VEZT: variants seen among roughly 807,000 people sequenced by gnomAD.
The protein encoded by VEZT is vezatin, adherens junctions transmembrane protein, also known as vezatin.
VEZT carries 39 observed loss-of-function variants against 79.9 expected under a neutral mutation model. The ratio of observed to expected loss-of-function variants is 0.49; its 90% CI spans 0.38 to 0.64. VEZT has a LOEUF of 0.64. VEZT is among the 30% of genes least tolerant of loss of function. VEZT has a pLI of 0.00. For missense variants in VEZT, 837 were observed against 893.1 expected (o/e 0.94, Z 0.80); for synonymous variants, 325 against 327.6 (o/e 0.99, Z 0.09).
chr12:95,266,001 A>T (rs2065458916), intron 4 of VEZT, among the ~76,000 whole-genome samples: 1 of 152,176 alleles, frequency 6.6e-6, no homozygotes, highest in African/African-American at 2.4e-5. Context: ...CTGTATATGT[A>T]GGAAATGTAG....
chr12:95,236,658 C>T lies in VEZT; in HGVS notation c.37-15282C>T, dbSNP rs550452113. On this transcript the variant is annotated intron_variant, in intron 1 of 11. Transcript: ENST00000436874. ...TGATTTTGGCTCACTGCACCCTCCA[C>T]CTCCTGGGTTCAGGTGATTCTCCTG... Among the ~76,000 whole-genome samples, 4 of 151,934 alleles carry T rather than the reference C, an allele frequency of 2.6e-5. No homozygotes were observed. In the East Asian group the frequency reaches 7.7e-4, roughly 29 times the overall value.
intron 7 of VEZT, among the ~76,000 whole-genome samples, chr12:95,281,548 T>G (rs2069101325): frequency 1.8e-5 from 2 of 110,520 alleles, no homozygotes; most frequent in Admixed American, 1.9e-4. Flanking sequence ...CCTGGAGTAT[T>G]GATTTTTTTT....
intron 1 of VEZT, among the ~76,000 whole-genome samples, chr12:95,221,748 C>T (rs1459772110): frequency 1.3e-5 from 2 of 151,952 alleles, no homozygotes; most frequent in African/African-American, 4.8e-5. Context: ...ACTCCACAGC[C>T]TGAGGCAGAA....
At chr12:95,275,650 C>T (rs560330421) in intron 7 of VEZT, 80 of 150,358 alleles carry the variant, frequency 5.3e-4, no homozygotes, top group African/African-American at 1.8e-3. Context: ...AGAAAAATTA[C>T]AATGATTTAT....
At chr12:95,280,400 A>C (rs1220142955) in intron 7 of VEZT, among the ~76,000 whole-genome samples, 3 of 147,612 alleles carry the variant, frequency 2.0e-5, no homozygotes, top group South Asian at 2.2e-4. Flanking sequence ...ACTTTTAGAG[A>C]CCTCCCCAGC....
chr12:95,296,258 G>T lies in VEZT; in HGVS notation c.1831G>T (p.Ala611Ser). The T allele has an allele frequency of 1.9e-6, 3 of 1,573,228 alleles. No individual in the cohort carries two copies. The South Asian group carries it at 3.5e-5, about 19-fold the overall frequency. Residue 611 changes from alanine to serine, a missense_variant and splice_region_variant, in exon 11 of 12, where the codon GCC becomes TCC. By Grantham distance (99) the Ala-to-Ser change is moderately conservative. Coordinates refer to ENST00000436874, the MANE Select transcript of VEZT (RefSeq NM_017599.4). ...KWKQLLFSDH[A>S]VLKSLSPVDP... ...GAAGCAACTTCTATTTAGTGATCAT[G>T]GTAAGCACTGACTTTAAAGTAACAG... is the stretch of plus-strand genomic sequence containing the variant.
At chr12:95,235,413 G>T (rs2059935438) in intron 1 of VEZT, among the ~76,000 whole-genome samples, 1 of 125,328 alleles carries the variant, frequency 8.0e-6, no homozygotes, top group Non-Finnish European at 1.7e-5. Context: ...CTGGGCGGGA[G>T]GCTGACCTCC....
intron 11 of VEZT, chr12:95,299,436 T>C (rs1421510883): frequency 6.6e-6 from 1 of 152,482 alleles, no homozygotes; most frequent in African/African-American, 2.4e-5. Context: ...ATATATATTA[T>C]ATTTATGTAT....
intron 1 of VEZT, among the ~76,000 whole-genome samples, chr12:95,233,994 G>A (rs2059636860): frequency 6.6e-6 from 1 of 152,154 alleles, no homozygotes. Flanking sequence ...CACTAATAGT[G>A]TATGATGTAT....
In VEZT at chr12:95,252,035, G is replaced by A. The variant is rs375841949; in HGVS notation, c.132G>A (p.Glu44=). Reference sequence around the variant, plus strand: ...CAAAAACAGAAAAATGCACAACAGAGGGACAACAAAAGCCTCCTACAAGAG... The same window carrying A: ...CAAAAACAGAAAAATGCACAACAGAAGGACAACAAAAGCCTCCTACAAGAG... The part of the protein sequence containing the change: ...LSPKTEKCTT[E]GQQKPPTRVL... Residue 44 remains glutamate (E), a synonymous_variant, in exon 2 of 12, where the codon GAG becomes GAA. Transcript: ENST00000436874. The A allele has an allele frequency of 1.6e-4, 255 of 1,612,078 alleles. No homozygotes were observed. The East Asian group carries it at 2.5e-3, about 16-fold the overall frequency.
intron 7 of VEZT, among the ~76,000 whole-genome samples, chr12:95,278,196 G>A (rs2068189758): frequency 6.6e-6 from 1 of 152,316 alleles, no homozygotes; most frequent in South Asian, 2.1e-4. Context: ...ATTAATGAAT[G>A]TTAGCTGATT....
intron 1 of VEZT, among the ~76,000 whole-genome samples, chr12:95,235,040 G>A (rs2059835054): frequency 6.6e-6 from 1 of 151,576 alleles, no homozygotes; most frequent in Non-Finnish European, 1.5e-5. Context: ...AAAATGAAAA[G>A]TCTCCCATGT....
At position 95,273,101 on chromosome 12, in the gene VEZT, G is replaced by A. The variant is rs889370438; in HGVS notation, c.849-1641G>A. On this transcript the variant is annotated intron_variant, in intron 6 of 11. Transcript: ENST00000436874. The stretch of plus-strand genomic sequence containing the variant: ...AAGAATTTTAAAACTTGAAGAGATT[G>A]GACATAGGATAAAGAATACTCAATT... Among the ~76,000 whole-genome samples, 4 of 152,122 alleles carry A rather than the reference G, an allele frequency of 2.6e-5. No homozygotes were observed. In the East Asian group the frequency reaches 7.7e-4, roughly 29 times the overall value.
Position 95,300,517 on chromosome 12 carries a change from G to T in VEZT, c.2184G>T (p.Arg728=). ...CCTCCATTAAGCAGAGGCTGGCACG[G>T]CTACAGCTGTCACCAGATTTTACCT... ...LQPSIKQRLA[R]LQLSPDFTFT... is the part of the protein sequence containing the mutation. The change falls in exon 12 of 12, where the codon CGG becomes CGT. Residue 728 remains arginine, a synonymous_variant. Transcript: ENST00000436874. 6.2e-7 allele frequency: 1 copy of T among 1,613,924 alleles called. No individual in the cohort carries two copies. The highest frequency in any genetic ancestry group is 8.5e-7 in the Non-Finnish European group (1 of 1,179,886).
At chr12:95,241,815 C>G (rs1356486946) in intron 1 of VEZT, among the ~76,000 whole-genome samples, 1 of 152,004 alleles carries the variant, frequency 6.6e-6, no homozygotes, top group Non-Finnish European at 1.5e-5. Context: ...ATAGTTTATT[C>G]CATGAACTTT....
intron 1 of VEZT, among the ~76,000 whole-genome samples, chr12:95,243,678 A>G (rs76201435): frequency 0.067 from 10,195 of 152,286 alleles, 449 homozygotes; most frequent in Middle Eastern, 0.12. Flanking sequence ...TTTAATTGCC[A>G]TGCTACGATG....
intron 9 of VEZT, among the ~76,000 whole-genome samples, chr12:95,289,760 C>T (rs553142938): frequency 6.6e-6 from 1 of 152,250 alleles, no homozygotes; most frequent in Admixed American, 6.5e-5. Context: ...TTAGCCATAT[C>T]TTTTTTTAAA....
chr12:95,249,848 C>G (rs1003635626), intron 1 of VEZT, among the ~76,000 whole-genome samples: 1 of 151,958 alleles, frequency 6.6e-6, no homozygotes, highest in African/African-American at 2.4e-5. Context: ...AGAGTATAAT[C>G]CTGCTTTTTC....
Position 95,263,025 on chromosome 12 carries a change from A to G in VEZT, c.378A>G (p.Gln126=). 1.2e-6 allele frequency: 2 copies of G among 1,612,850 alleles called. No individual in the cohort carries two copies. The highest frequency in any genetic ancestry group is 1.7e-6 in the Non-Finnish European group (2 of 1,179,030). ...DPSILSAGQS[Q]QQENGHLPTL... is the part of the protein sequence containing the mutation. ...GTATCCTGTCTGCAGGGCAATCTCA[A>G]CAACAGGAAAATGGACACCTTCCAA... The change falls in exon 4 of 12, where the codon CAA becomes CAG. Residue 126 remains glutamine (Q), a synonymous_variant. Coordinates refer to ENST00000436874, the MANE Select transcript of VEZT (RefSeq NM_017599.4).
Sources: gnomAD v4.1 joint callset for allele counts (sites outside exome capture counted in the v4.1 genomes callset) on GRCh38, gnomAD v4.1.1 for gene constraint, MANE v1.5 for transcripts, NCBI Gene and HGNC (gene_info 2026-07-23, HGNC 2026-07-21) for gene names.